The following ZHX2 variants were observed in gnomAD, a reference collection of about 807,000 sequenced individuals.
ZHX2 encodes the protein zinc fingers and homeoboxes 2.
A neutral mutation model predicts 21.9 loss-of-function variants in ZHX2; 6 were observed. The observed-to-expected ratio is 0.27, with a 90% CI of 0.15 to 0.54. The LOEUF (loss-of-function observed/expected upper bound fraction) is 0.54, where lower values mean the gene tolerates loss of function less well. Among genes scored for constraint, ZHX2 ranks in the 20% least tolerant of loss-of-function variants. The pLI is 0.95. For missense variants in ZHX2, 908 were observed against 1,090.7 expected, an observed-to-expected ratio of 0.83 and a Z score of 2.36; for synonymous variants, 434 against 437.1, an observed-to-expected ratio of 0.99 and a Z score of 0.09.
intron 2 of ZHX2, among the ~76,000 whole-genome samples, chr8:122,868,698 CAAAAAAAAA>C (rs35306891): frequency 9.9e-6 from 1 of 100,642 alleles, no homozygotes; most frequent in African/African-American, 4.1e-5. Context: ...AAGACTCCGT[CAAAAAAAAA>C]AAAAAAAAAA....
intron 2 of ZHX2, among the ~76,000 whole-genome samples, chr8:122,921,242 T>C (rs909218950): frequency 6.6e-6 from 1 of 152,074 alleles, no homozygotes; most frequent in African/African-American, 2.4e-5. Flanking sequence ...CAACCACACC[T>C]GGCTAATTTT....
intron 2 of ZHX2, among the ~76,000 whole-genome samples, chr8:122,908,037 T>G (rs2129983550): frequency 6.6e-6 from 1 of 152,306 alleles, no homozygotes; most frequent in East Asian, 1.9e-4. Context: ...GCGTACATCC[T>G]TGCCCTGTGC....
intron 2 of ZHX2, among the ~76,000 whole-genome samples, chr8:122,888,860 T>G (rs1819908394): frequency 6.6e-6 from 1 of 152,190 alleles, no homozygotes; most frequent in Non-Finnish European, 1.5e-5. Flanking sequence ...CTAGCTATGA[T>G]TTTGTCTCCA....
chr8:122,821,416 G>A (rs1175931586), intron 1 of ZHX2, among the ~76,000 whole-genome samples: 1 of 152,060 alleles, frequency 6.6e-6, no homozygotes, highest in Non-Finnish European at 1.5e-5. Context: ...TAACAGTTGG[G>A]GCTTTGGCTT....
At chr8:122,873,774 T>C (rs1346919406) in intron 2 of ZHX2, among the ~76,000 whole-genome samples, 1 of 152,192 alleles carries the variant, frequency 6.6e-6, no homozygotes, top group Non-Finnish European at 1.5e-5. Context: ...GTGTACTCCT[T>C]CCTGGAAGCT....
At chr8:122,871,534 G>A (rs1473346259) in intron 2 of ZHX2, among the ~76,000 whole-genome samples, 3 of 115,614 alleles carry the variant, frequency 2.6e-5, no homozygotes, top group Non-Finnish European at 3.4e-5. Flanking sequence ...GTTGTGGGGT[G>A]GGGGGAGGGG....
At chr8:122,818,845 A>T (rs1818083702) in intron 1 of ZHX2, among the ~76,000 whole-genome samples, 1 of 152,206 alleles carries the variant, frequency 6.6e-6, no homozygotes, top group African/African-American at 2.4e-5. Context: ...CAGTAACTGT[A>T]GGGATGGTTG....
At chr8:122,971,790 C>A (rs1349712578) in intron 3 of ZHX2, among the ~76,000 whole-genome samples, 5 of 152,006 alleles carry the variant, frequency 3.3e-5, no homozygotes, top group Admixed American at 6.6e-5. Context: ...GATCCCTTTC[C>A]CAGGATCTCT....
intron 2 of ZHX2, among the ~76,000 whole-genome samples, chr8:122,903,096 T>C (rs1820269782): frequency 6.6e-6 from 1 of 152,248 alleles, no homozygotes; most frequent in African/African-American, 2.4e-5. Context: ...GGGTGACTGC[T>C]TCTCCTAGTC....
chr8:122,890,796 T>C (rs1443266097), intron 2 of ZHX2, among the ~76,000 whole-genome samples: 1 of 152,170 alleles, frequency 6.6e-6, no homozygotes, highest in Non-Finnish European at 1.5e-5. Flanking sequence ...TTTTATTTTA[T>C]ATGTTGATTT....
intron 1 of ZHX2, among the ~76,000 whole-genome samples, chr8:122,793,996 T>C (rs1817572264): frequency 6.6e-6 from 1 of 152,204 alleles, no homozygotes; most frequent in African/African-American, 2.4e-5. Flanking sequence ...TATCCACCAG[T>C]CATCGTACAT....
At chr8:122,795,549 CT>C (rs11325812) in intron 1 of ZHX2, among the ~76,000 whole-genome samples, 45,963 of 149,538 alleles carry the variant, frequency 0.31, 7,393 homozygotes, top group Non-Finnish European at 0.37. Context: ...CAATAGTAAA[CT>C]TTTTTTTTTT....
chr8:122,820,555 G>T (rs1007459689), intron 1 of ZHX2, among the ~76,000 whole-genome samples: 1 of 152,226 alleles, frequency 6.6e-6, no homozygotes, highest in Non-Finnish European at 1.5e-5. Flanking sequence ...GCGGGAGCGG[G>T]GGATGGGGGA....
chr8:122,922,115 A>G lies in ZHX2; in HGVS notation c.-219-29177A>G, dbSNP rs755463670. 4.6e-4 allele frequency among the ~76,000 whole-genome samples: 70 copies of G among 152,116 alleles called. 1 individual carries two copies. The highest frequency in any genetic ancestry group is 8.4e-4 in the Non-Finnish European group (57 of 68,008). On this transcript the variant is annotated intron_variant, in intron 2 of 3. Coordinates refer to ENST00000314393, the MANE Select transcript of ZHX2 (RefSeq NM_014943.5). Reference sequence around the variant, plus strand: ...CTAAAATGACTCAGGCAGCTCCTGCATTCATTTTGGGTGCTGAAGTTTTAG... The same window carrying G: ...CTAAAATGACTCAGGCAGCTCCTGCGTTCATTTTGGGTGCTGAAGTTTTAG...
intron 2 of ZHX2, among the ~76,000 whole-genome samples, chr8:122,939,750 ATGAG>A (rs1812795508): frequency 6.6e-6 from 1 of 152,210 alleles, no homozygotes; most frequent in Non-Finnish European, 1.5e-5. Flanking sequence ...GGAACAAAAG[ATGAG>A]TAAGAAAAAA....
intron 1 of ZHX2, among the ~76,000 whole-genome samples, chr8:122,803,217 C>A (rs555700563): frequency 2.0e-5 from 3 of 152,308 alleles, no homozygotes; most frequent in Admixed American, 2.0e-4. Flanking sequence ...AAACAGCCCC[C>A]ACTGAGGTAG....
intron 1 of ZHX2, among the ~76,000 whole-genome samples, chr8:122,845,432 A>G (rs148686866): frequency 9.1e-4 from 139 of 152,368 alleles, no homozygotes; most frequent in Non-Finnish European, 1.5e-3. Flanking sequence ...TTTTCTACCC[A>G]GGAAAGAACT....
chr8:122,859,317 A>G (rs1337489058), intron 1 of ZHX2, among the ~76,000 whole-genome samples: 1 of 152,204 alleles, frequency 6.6e-6, no homozygotes, highest in Non-Finnish European at 1.5e-5. Context: ...AGCCCCAGCC[A>G]AGTCACTCTG....
intron 2 of ZHX2, among the ~76,000 whole-genome samples, chr8:122,875,613 T>A (rs1819554782): frequency 6.6e-6 from 1 of 152,232 alleles, no homozygotes; most frequent in Non-Finnish European, 1.5e-5. Flanking sequence ...GTAGTAGACG[T>A]GGTAGTTGGA....
Sources: gnomAD v4.1 joint callset for allele counts (sites outside exome capture counted in the v4.1 genomes callset) on GRCh38, gnomAD v4.1.1 for gene constraint, MANE v1.5 for transcripts, NCBI Gene and HGNC (gene_info 2026-07-23, HGNC 2026-07-21) for gene names.